TENM3: variants seen among roughly 807,000 people sequenced by gnomAD.
The protein encoded by TENM3 is teneurin transmembrane protein 3.
In TENM3, 63 loss-of-function variants were observed where a neutral mutation model predicts 255.1. The ratio of observed to expected loss-of-function variants is 0.25; its 90% CI spans 0.20 to 0.30. The LOEUF (loss-of-function observed/expected upper bound fraction) is 0.30, where lower values mean the gene tolerates loss of function less well. Ranked by LOEUF, TENM3 falls within the 10% of genes least tolerant of loss-of-function variation. The pLI is 1.00. For synonymous variants in TENM3, 1,306 were observed against 1,322.3 expected, an observed-to-expected ratio of 0.99 and a Z score of 0.27; for missense variants, 2,929 against 3,461.1, an observed-to-expected ratio of 0.85 and a Z score of 3.86.
chr4:182,143,774 C>A (rs554403443), upstream of TENM3: 3 of 152,724 alleles, frequency 2.0e-5, no homozygotes, highest in South Asian at 4.1e-4. The surrounding 1 kb of genome is among the most constrained non-coding windows in gnomAD (Gnocchi z 4.3). Context: ...CGGCGGCGGG[C>A]AGACCCCTCA....
the TENM3 span, among the ~76,000 whole-genome samples, chr4:181,676,673 A>T: frequency 1.3e-5 from 2 of 152,142 alleles, no homozygotes; most frequent in Non-Finnish European, 2.9e-5. Flanking sequence ...AACTCCCATC[A>T]ATGTAAAAGA....
chr4:181,606,106 A>G, the TENM3 span, among the ~76,000 whole-genome samples: 1 of 152,154 alleles, frequency 6.6e-6, no homozygotes, highest in Non-Finnish European at 1.5e-5. Context: ...CCCTCAGATT[A>G]CATCCTATAT....
Position 182,673,179 on chromosome 4 carries a change from G to T in TENM3, c.1286G>T (p.Gly429Val), listed in dbSNP as rs751390045. The change falls in exon 7 of 28, where the codon GGA becomes GTA. Residue 429 changes from glycine (G) to valine (V), a missense_variant. Gly to Val is a moderately radical substitution (Grantham distance 109). Around this residue, in one of 6 missense-constraint regions of TENM3, gnomAD observed 1,608 missense variants for 1,884.4 expected, o/e 0.85. Transcript: ENST00000511685. ...NISLQKDALI[G>V]VYGRKGLPPS... ...TCTCTTCAGAAGGATGCATTGATTG[G>T]AGTATATGGCCGGAAAGGCTTACCG... 1 of 1,613,734 alleles carries T rather than the reference G, an allele frequency of 6.2e-7. No individual in the cohort carries two copies. Among genetic ancestry groups the T allele is most frequent in the South Asian group, 1.1e-5 (1 of 91,036 alleles).
At chr4:182,465,327 C>T (rs531088634) in intron 3 of TENM3, among the ~76,000 whole-genome samples, 11 of 152,040 alleles carry the variant, frequency 7.2e-5, no homozygotes, top group Non-Finnish European at 1.3e-4. Flanking sequence ...GATTAGGTCC[C>T]GAGGACTTCA....
At chr4:182,325,956 A>AGT (rs1561323614) in intron 2 of TENM3, among the ~76,000 whole-genome samples, 6 of 152,166 alleles carry the variant, frequency 3.9e-5, no homozygotes, top group Admixed American at 1.3e-4. Flanking sequence ...GCCTTGATCC[A>AGT]GCGCAGACTG....
chr4:181,484,020 A>T, the TENM3 span, among the ~76,000 whole-genome samples: 61 of 152,268 alleles, frequency 4.0e-4, no homozygotes, highest in East Asian at 0.01. Flanking sequence ...CAATGGCAGG[A>T]TGAGTGTCTG....
At position 182,182,221 on chromosome 4, in the gene TENM3, G is replaced by A. The variant is rs556815703; in HGVS notation, c.-76+37467G>A. On this transcript the variant is annotated intron_variant, in intron 1 of 2. Coordinates refer to the TENM3 transcript ENST00000512480. ...GGATATATCATTTCAAGGGCAGCCC[G>A]TTTTTTCAAGAATCTCTTCTATTAT... is the stretch of plus-strand genomic sequence containing the variant. 3.9e-5 allele frequency among the ~76,000 whole-genome samples: 6 copies of A among 152,140 alleles called. No homozygotes were observed. The South Asian group carries it at 6.2e-4, about 16-fold the overall frequency.
chr4:182,312,519 T>C (rs1762515922), intron 1 of TENM3, among the ~76,000 whole-genome samples: 1 of 152,208 alleles, frequency 6.6e-6, no homozygotes, highest in Non-Finnish European at 1.5e-5. Context: ...AAACTGTCTA[T>C]TTGGTTGTTT....
chr4:181,775,165 G>A, the TENM3 span, among the ~76,000 whole-genome samples: 1 of 152,124 alleles, frequency 6.6e-6, no homozygotes, highest in Non-Finnish European at 1.5e-5. Context: ...ACAGGGCCGT[G>A]ACTCTCCTTT....
chr4:182,000,403 A>G, the TENM3 span, among the ~76,000 whole-genome samples: 2 of 152,000 alleles, frequency 1.3e-5, no homozygotes, highest in East Asian at 3.9e-4. Flanking sequence ...AAGCATTGAG[A>G]ACCTGTCCTT....
chr4:181,454,150 C>G, the TENM3 span, among the ~76,000 whole-genome samples: 1 of 152,054 alleles, frequency 6.6e-6, no homozygotes, highest in South Asian at 2.1e-4. Context: ...AACTCATATA[C>G]TAATATTTTA....
At chr4:181,542,624 T>C in the TENM3 span, among the ~76,000 whole-genome samples, 1 of 152,192 alleles carries the variant, frequency 6.6e-6, no homozygotes, top group Non-Finnish European at 1.5e-5. Flanking sequence ...AGGTATGTTA[T>C]AGAATGAAGG....
At chr4:181,696,064 C>T in the TENM3 span, among the ~76,000 whole-genome samples, 5 of 151,918 alleles carry the variant, frequency 3.3e-5, no homozygotes, top group South Asian at 2.1e-4. Flanking sequence ...AAGCCGGACA[C>T]GCGTTTGTAT....
chr4:182,528,441 A>G (rs137900244), intron 3 of TENM3, among the ~76,000 whole-genome samples: 22 of 152,352 alleles, frequency 1.4e-4, no homozygotes, highest in African/African-American at 5.3e-4. Context: ...ACTGTATTAT[A>G]AAACATTTAA....
rs865940425 is a variant in TENM3 at position 182,517,626 on chromosome 4, G to C, written c.512-83298G>C. On this transcript the variant is annotated intron_variant, in intron 3 of 27. Transcript: ENST00000511685. Reference sequence around the variant, plus strand: ...TCTCGATCTCCTGACCTCGTGATCCGCCCGCCTCGGCCTCCCAAAGTGCTG... The same window carrying C: ...TCTCGATCTCCTGACCTCGTGATCCCCCCGCCTCGGCCTCCCAAAGTGCTG... Among the ~76,000 whole-genome samples, 3 of 129,776 alleles carry C rather than the reference G, an allele frequency of 2.3e-5. 1 individual carries two copies. In the Admixed American group the frequency reaches 2.3e-4, roughly 10 times the overall value. 85.1% of individuals were successfully genotyped at this position (129,776 alleles called of 152,430 possible). A position where few individuals can be genotyped will look rare whatever the true frequency, so the allele number is the denominator to read the frequency against.
chr4:182,597,551 C>T (rs1747384653), intron 3 of TENM3, among the ~76,000 whole-genome samples: 1 of 152,188 alleles, frequency 6.6e-6, no homozygotes, highest in Non-Finnish European at 1.5e-5. Flanking sequence ...ATGTTTCCCT[C>T]TTTGTGCTGG....
chr4:181,566,257 C>T, the TENM3 span, among the ~76,000 whole-genome samples: 15 of 152,154 alleles, frequency 9.9e-5, no homozygotes, highest in African/African-American at 3.6e-4. Context: ...TTCTCCAGAA[C>T]ACTTACTAAT....
chr4:182,642,085 C>G (rs1309695752), intron 5 of TENM3, among the ~76,000 whole-genome samples: 1 of 152,132 alleles, frequency 6.6e-6, no homozygotes, highest in African/African-American at 2.4e-5. Context: ...GTCCTCTTAC[C>G]ATACTCTTCA....
At chr4:182,408,989 G>C (rs1037787823) in intron 3 of TENM3, among the ~76,000 whole-genome samples, 1 of 152,208 alleles carries the variant, frequency 6.6e-6, no homozygotes, top group East Asian at 1.9e-4. Flanking sequence ...ACCAGTCAGG[G>C]GTTCAGACAA....
Sources: gnomAD v4.1 joint callset for allele counts (sites outside exome capture counted in the v4.1 genomes callset) on GRCh38, gnomAD v4.1.1 for gene constraint, gnomAD v4.1.1 regional missense constraint, Gnocchi (gnomAD v3.1) non-coding constraint, MANE v1.5 for transcripts, NCBI Gene and HGNC (gene_info 2026-07-23, HGNC 2026-07-21) for gene names.